CMTM3: variants seen among roughly 807,000 people sequenced by gnomAD.
The protein encoded by CMTM3 is CKLF like MARVEL transmembrane domain containing 3.
CMTM3 carries 7 observed loss-of-function variants against 18.2 expected under a neutral mutation model. The observed-to-expected ratio is 0.38, with a 90% CI of 0.22 to 0.72. The LOEUF (loss-of-function observed/expected upper bound fraction) is 0.72. Ranked by LOEUF, CMTM3 falls within the 30% of genes least tolerant of loss-of-function variation. The probability of loss-of-function intolerance (pLI) is 0.46; values close to 1 mark genes in which losing one functional copy is unlikely to be tolerated. For missense variants in CMTM3, 227 were observed against 249.2 expected (o/e 0.91, Z 0.60); for synonymous variants, 109 against 111.2 (o/e 0.98, Z 0.12).
rs1421868177 is a variant in CMTM3 at position 66,605,147 on chromosome 16, G to A, written c.147+195G>A. On this transcript the variant is annotated intron_variant, in intron 1 of 4. Coordinates refer to ENST00000567572, the MANE Select transcript of CMTM3 (RefSeq NM_181553.4). This position sits in a 1 kb window ranked among gnomAD's most constrained non-coding sequence, Gnocchi z 4.6. Reference sequence around the variant, plus strand: ...CCCAAACTTTGGACGGCGGGGCGGGGCCCGAGCCCAGGCCATCCGCGGCGC... The same window carrying A: ...CCCAAACTTTGGACGGCGGGGCGGGACCCGAGCCCAGGCCATCCGCGGCGC... The A allele has an allele frequency of 3.7e-5, 18 of 489,652 alleles. No homozygotes were observed. The highest frequency in any genetic ancestry group is 6.1e-5 in the Non-Finnish European group (18 of 294,628). 30.3% of individuals were successfully genotyped at this position (489,652 alleles called of 1,614,324 possible). A position where few individuals can be genotyped will look rare whatever the true frequency, so the allele number is the denominator to read the frequency against.
chr16:66,605,012 G>T lies in CMTM3; in HGVS notation c.147+60G>T. 1 of 1,366,052 alleles carries T rather than the reference G, an allele frequency of 7.3e-7. No individual in the cohort carries two copies. The highest frequency in any genetic ancestry group is 3.1e-5 in the East Asian group (1 of 32,130). The allele number at this position is 1,366,052 out of a possible 1,614,324, so 84.6% of individuals were successfully genotyped here. A position where few individuals can be genotyped will look rare whatever the true frequency, so the allele number is the denominator to read the frequency against. On this transcript the variant is annotated intron_variant, in intron 1 of 4. Transcript: ENST00000567572. The surrounding 1 kb of genome is among the most constrained non-coding windows in gnomAD (Gnocchi z 4.6). ...GACTGCGCGGCTCCTTTCGGAGGAG[G>T]ACGTCGGGGCGCGGGTGGGGTCCGG...
In CMTM3 at chr16:66,612,033, G is replaced by A. The variant is rs890444077; in HGVS notation, c.521-576G>A. ...AGAAAAGCCCAGGGAGACTCCGGAG[G>A]GGCTGGGCCTGAGGAAGGGGCACCT... On this transcript the variant is annotated intron_variant, in intron 4 of 4. Coordinates refer to ENST00000567572, the MANE Select transcript of CMTM3 (RefSeq NM_181553.4). This position sits in a 1 kb window ranked among gnomAD's most constrained non-coding sequence, Gnocchi z 6.0. Among the ~76,000 whole-genome samples, 20 of 152,146 alleles carry A rather than the reference G, an allele frequency of 1.3e-4. No homozygotes were observed. Among genetic ancestry groups the A allele is most frequent in the African/African-American group, 4.8e-4 (20 of 41,430 alleles).
In CMTM3 at chr16:66,609,289, G is replaced by T; in HGVS notation, c.304-146G>T. On this transcript the variant is annotated intron_variant, in intron 2 of 4. Transcript: ENST00000567572. This position sits in a 1 kb window ranked among gnomAD's most constrained non-coding sequence, Gnocchi z 4.4. Reference sequence around the variant, plus strand: ...AGAGGCACCTCGGGGGTGGGACAAGGGCCTAGGCATGTGGGTGGGGCCAGG... The same window carrying T: ...AGAGGCACCTCGGGGGTGGGACAAGTGCCTAGGCATGTGGGTGGGGCCAGG... 1.5e-6 allele frequency: 1 copy of T among 668,786 alleles called. No individual in the cohort carries two copies. Among genetic ancestry groups the T allele is most frequent in the Non-Finnish European group, 2.6e-6 (1 of 389,450 alleles). 41.4% of individuals were successfully genotyped at this position (668,786 alleles called of 1,614,324 possible). A position where few individuals can be genotyped will look rare whatever the true frequency, so the allele number is the denominator to read the frequency against.
chr16:66,604,029 GGAGT>G (rs2015019868), upstream of CMTM3: 1 of 152,420 alleles, frequency 6.6e-6, no homozygotes, highest in East Asian at 1.9e-4. Context: ...ATGTGCGTGT[GGAGT>G]GTGTGTGTGT....
rs1313149008 is a variant in CMTM3, at chr16:66,612,620, G to A, written c.532G>A (p.Asp178Asn). 12 of 1,613,924 alleles carry A rather than the reference G, an allele frequency of 7.4e-6. No individual in the cohort carries two copies. The African/African-American group carries it at 8.0e-5, about 11-fold the overall frequency. ...TAHKTEEENS[D>N]SDSD ...TGCTTTCCTTTCAGAAGAGAATTCCGACTCGGACTCTGACTGAAGGCCTGG... is the reference window on the plus strand; with the variant it reads ...TGCTTTCCTTTCAGAAGAGAATTCCAACTCGGACTCTGACTGAAGGCCTGG... The change falls in exon 5 of 5, where the codon GAC becomes AAC. Residue 178 changes from aspartate (D) to asparagine (N), a missense_variant. Asp to Asn is a conservative substitution (Grantham distance 23). Transcript: ENST00000567572. The surrounding 1 kb of genome is among the most constrained non-coding windows in gnomAD (Gnocchi z 6.0).
At position 66,604,993 on chromosome 16, in the gene CMTM3, G is replaced by A. The variant is rs750880644; in HGVS notation, c.147+41G>A. The A allele has an allele frequency of 3.5e-6, 5 of 1,425,092 alleles. No homozygotes were observed. In the South Asian group the frequency reaches 5.8e-5, roughly 17 times the overall value. 88.3% of individuals were successfully genotyped at this position (1,425,092 alleles called of 1,614,324 possible). On this transcript the variant is annotated intron_variant, in intron 1 of 4. Transcript: ENST00000567572. ...CCCTCGGCCGCCCCGCTAGGACTGC[G>A]CGGCTCCTTTCGGAGGAGGACGTCG...
chr16:66,609,273 T>A lies in CMTM3; in HGVS notation c.304-162T>A, dbSNP rs355938. On this transcript the variant is annotated intron_variant, in intron 2 of 4. Transcript: ENST00000567572. The surrounding 1 kb of genome is among the most constrained non-coding windows in gnomAD (Gnocchi z 4.4). ...CTGCTGGCAAGGCAGCAGAGGCACC[T>A]CGGGGGTGGGACAAGGGCCTAGGCA... 3.2e-6 allele frequency: 2 copies of A among 624,822 alleles called. No individual in the cohort carries two copies. Among genetic ancestry groups the A allele is most frequent in the Non-Finnish European group, 5.6e-6 (2 of 357,508 alleles). The allele number at this position is 624,822 out of a possible 1,614,324, so 38.7% of individuals were successfully genotyped here.
chr16:66,604,541 A>G (rs1277007879), upstream of CMTM3: 2 of 291,140 alleles, frequency 6.9e-6, no homozygotes, highest in African/African-American at 2.2e-5. Flanking sequence ...GGCCCGAACC[A>G]GGGTGAAGAA....
chr16:66,610,230 C>T lies in CMTM3; in HGVS notation c.520+227C>T, dbSNP rs1007386755. Among the ~76,000 whole-genome samples, 8 of 152,184 alleles carry T rather than the reference C, an allele frequency of 5.3e-5. No homozygotes were observed. The highest frequency in any genetic ancestry group is 1.9e-4 in the African/African-American group (8 of 41,448). On this transcript the variant is annotated intron_variant, in intron 4 of 4. Transcript: ENST00000567572. The surrounding 1 kb of genome is among the most constrained non-coding windows in gnomAD (Gnocchi z 4.6). The stretch of plus-strand genomic sequence containing the variant: ...CTTTCTAGGAGGGGCAAGCAGTGGG[C>T]ATGGCTGAGCCTCAGGCCAGGCCGG...
rs1312779068 is a variant in CMTM3, at chr16:66,612,848, G to A, written c.*211G>A. 4 of 610,816 alleles carry A rather than the reference G, an allele frequency of 6.5e-6. No homozygotes were observed. The highest frequency in any genetic ancestry group is 5.8e-5 in the South Asian group (3 of 51,750). 37.8% of individuals were successfully genotyped at this position (610,816 alleles called of 1,614,324 possible). ...CACTGTTGACCACGCTGCGTATGAGGGCATCTTGGGTATCCCACTCCTTCT... is the reference window on the plus strand; with the variant it reads ...CACTGTTGACCACGCTGCGTATGAGAGCATCTTGGGTATCCCACTCCTTCT... On this transcript the variant is annotated 3_prime_UTR_variant, in exon 5 of 5. Transcript: ENST00000567572. This position sits in a 1 kb window ranked among gnomAD's most constrained non-coding sequence, Gnocchi z 6.0.
Position 66,609,322 on chromosome 16 carries a change from A to G in CMTM3, c.304-113A>G. 3 of 861,042 alleles carry G rather than the reference A, an allele frequency of 3.5e-6. No individual in the cohort carries two copies. The highest frequency in any genetic ancestry group is 5.5e-6 in the Non-Finnish European group (3 of 547,270). 53.3% of individuals were successfully genotyped at this position (861,042 alleles called of 1,614,324 possible). Reference sequence around the variant, plus strand: ...CATGTGGGTGGGGCCAGGATGGGATAGGAGCCCTCAGGTGCTAGGCCTGGG... The same window carrying G: ...CATGTGGGTGGGGCCAGGATGGGATGGGAGCCCTCAGGTGCTAGGCCTGGG... On this transcript the variant is annotated intron_variant, in intron 2 of 4. Transcript: ENST00000567572. This position sits in a 1 kb window ranked among gnomAD's most constrained non-coding sequence, Gnocchi z 4.4.
In CMTM3 at chr16:66,609,682, T is replaced by G. The variant is rs957124743; in HGVS notation, c.399+152T>G. The G allele has an allele frequency of 3.2e-6, 5 of 1,539,706 alleles. No individual in the cohort carries two copies. Among genetic ancestry groups the G allele is most frequent in the Non-Finnish European group, 4.4e-6 (5 of 1,142,802 alleles). The stretch of plus-strand genomic sequence containing the variant: ...ATTCCAAAGTCCTCTCATTAAAGAC[T>G]GACTCTACCCGGGGTTTTGAAAGGC... On this transcript the variant is annotated intron_variant, in intron 3 of 4. Coordinates refer to ENST00000567572, the MANE Select transcript of CMTM3 (RefSeq NM_181553.4). The surrounding 1 kb of genome is among the most constrained non-coding windows in gnomAD (Gnocchi z 4.4).
chr16:66,612,174 G>A lies in CMTM3; in HGVS notation c.521-435G>A, dbSNP rs1298427634. 6.6e-6 allele frequency among the ~76,000 whole-genome samples: 1 copy of A among 152,160 alleles called. No homozygotes were observed. The highest frequency in any genetic ancestry group is 2.4e-5 in the African/African-American group (1 of 41,436). ...TCACGCCTGTTACCCCAGCACTTTG[G>A]GAGGCTGAGGTGGGTAGATCACCTG... On this transcript the variant is annotated intron_variant, in intron 4 of 4. Coordinates refer to ENST00000567572, the MANE Select transcript of CMTM3 (RefSeq NM_181553.4). The surrounding 1 kb of genome is among the most constrained non-coding windows in gnomAD (Gnocchi z 6.0).
chr16:66,610,480 G>T lies in CMTM3; in HGVS notation c.520+477G>T, dbSNP rs951635871. ...AGGGGCCAGATGGGGCAGCAATGACGACAGTAAAACAGGAGCCGATAGAGG... is the reference window on the plus strand; with the variant it reads ...AGGGGCCAGATGGGGCAGCAATGACTACAGTAAAACAGGAGCCGATAGAGG... On this transcript the variant is annotated intron_variant, in intron 4 of 4. Transcript: ENST00000567572. This position sits in a 1 kb window ranked among gnomAD's most constrained non-coding sequence, Gnocchi z 4.6. Among the ~76,000 whole-genome samples the T allele has an allele frequency of 6.6e-6, 1 of 152,164 alleles. No homozygotes were observed. The highest frequency in any genetic ancestry group is 1.5e-5 in the Non-Finnish European group (1 of 68,036).
intron 1 of CMTM3, among the ~76,000 whole-genome samples, chr16:66,607,869 GTC>G (rs538034633): frequency 4.6e-5 from 7 of 150,880 alleles, no homozygotes; most frequent in East Asian, 2.0e-4. Context: ...TGCGGACAGG[GTC>G]TCTCTCTCTC....
At position 66,612,702 on chromosome 16, in the gene CMTM3, C is replaced by T. The variant is rs1248570930; in HGVS notation, c.*65C>T. 23 of 1,510,830 alleles carry T rather than the reference C, an allele frequency of 1.5e-5. No individual in the cohort carries two copies. In the East Asian group the frequency reaches 2.3e-4, roughly 15 times the overall value. The allele number at this position is 1,510,830 out of a possible 1,614,324, so 93.6% of individuals were successfully genotyped here. On this transcript the variant is annotated 3_prime_UTR_variant, in exon 5 of 5. Transcript: ENST00000567572. The surrounding 1 kb of genome is among the most constrained non-coding windows in gnomAD (Gnocchi z 6.0). ...CTCCACCCCTGCGCCTCACAGGGGT[C>T]GCTGGCGTTGGAGCGGAGGCCTGGA...
At position 66,612,544 on chromosome 16, in the gene CMTM3, G is replaced by A; in HGVS notation, c.521-65G>A. The stretch of plus-strand genomic sequence containing the variant: ...CCAGCAACCCAGCTGTGCTTCCCCA[G>A]AGACCGTTCCCAGGCACCGCTGCCC... On this transcript the variant is annotated intron_variant, in intron 4 of 4. Transcript: ENST00000567572. This position sits in a 1 kb window ranked among gnomAD's most constrained non-coding sequence, Gnocchi z 6.0. 1 of 1,561,908 alleles carries A rather than the reference G, an allele frequency of 6.4e-7. No individual in the cohort carries two copies. Among genetic ancestry groups the A allele is most frequent in the Non-Finnish European group, 8.8e-7 (1 of 1,137,480 alleles).
chr16:66,604,931 C>A lies in CMTM3; in HGVS notation c.126C>A (p.Gly42=). 6.7e-7 allele frequency: 1 copy of A among 1,499,822 alleles called. No homozygotes were observed. Among genetic ancestry groups the A allele is most frequent in the Non-Finnish European group, 8.8e-7 (1 of 1,134,866 alleles). The allele number at this position is 1,499,822 out of a possible 1,614,324, so 92.9% of individuals were successfully genotyped here. ...PARAFLCSLK[G]RLLLAESGLS... is the part of the protein sequence containing the mutation. The stretch of plus-strand genomic sequence containing the variant: ...GGGCTTTCCTCTGCTCTCTCAAAGG[C>A]CGCCTCCTGCTGGCCGAGTCGGTGA... Residue 42 remains glycine, a synonymous_variant, in exon 1 of 5, where the codon GGC becomes GGA. Coordinates refer to ENST00000567572, the MANE Select transcript of CMTM3 (RefSeq NM_181553.4).
chr16:66,604,946 C>A lies in CMTM3; in HGVS notation c.141C>A (p.Ala47=). Residue 47 remains alanine (A), a synonymous_variant, in exon 1 of 5, where the codon GCC becomes GCA. Coordinates refer to ENST00000567572, the MANE Select transcript of CMTM3 (RefSeq NM_181553.4). ...CTCTCAAAGGCCGCCTCCTGCTGGC[C>A]GAGTCGGTGAGTGCGGCGGGACCCT... ...LCSLKGRLLL[A]ESGLSFITFI... 6.6e-7 allele frequency: 1 copy of A among 1,504,876 alleles called. No homozygotes were observed. The highest frequency in any genetic ancestry group is 8.8e-7 in the Non-Finnish European group (1 of 1,137,560). The allele number at this position is 1,504,876 out of a possible 1,614,324, so 93.2% of individuals were successfully genotyped here.
Sources: allele counts gnomAD v4.1 joint callset (sites outside exome capture counted in the v4.1 genomes callset), GRCh38; gene constraint gnomAD v4.1.1; non-coding constraint Gnocchi (gnomAD v3.1); transcripts MANE v1.5; gene names NCBI Gene and HGNC (gene_info 2026-07-23, HGNC 2026-07-21).